The following CEP128 variants were observed in gnomAD, a reference collection of about 807,000 sequenced individuals.
CEP128 encodes the protein centrosomal protein 128kDa.
In CEP128, 132 loss-of-function variants were observed where a neutral mutation model predicts 156.7. That is an observed-to-expected ratio of 0.84 (90% CI 0.73 to 0.97). The LOEUF (loss-of-function observed/expected upper bound fraction) is 0.97. CEP128 is among the 50% of genes least tolerant of loss of function. CEP128 has a pLI of 0.00. For synonymous variants in CEP128, 469 were observed against 448.9 expected (o/e 1.04, Z -0.57); for missense variants, 1,252 against 1,281.9 (o/e 0.98, Z 0.36).
chr14:80,895,705 A>C lies in CEP128; in HGVS notation c.645+13T>G, dbSNP rs1332654908. On this transcript the variant is annotated intron_variant, in intron 8 of 24. Coordinates refer to ENST00000555265, the MANE Select transcript of CEP128 (RefSeq NM_152446.5). Reference sequence around the variant, plus strand: ...ATGTGAAATAAAACTTTTTATTAAAAAAGAGATCTCACCACTTCTTGTTTC... The same window carrying C: ...ATGTGAAATAAAACTTTTTATTAAACAAGAGATCTCACCACTTCTTGTTTC... The C allele has an allele frequency of 6.5e-6, 10 of 1,529,854 alleles. No homozygotes were observed. Among genetic ancestry groups the C allele is most frequent in the Non-Finnish European group, 8.8e-6 (10 of 1,135,080 alleles). 94.8% of individuals were successfully genotyped at this position (1,529,854 alleles called of 1,614,324 possible). A position where few individuals can be genotyped will look rare whatever the true frequency, so the allele number is the denominator to read the frequency against.
chr14:80,548,107 G>A (rs892696199), intron 21 of CEP128, among the ~76,000 whole-genome samples: 1 of 151,536 alleles, frequency 6.6e-6, no homozygotes, highest in African/African-American at 2.4e-5. Context: ...GCTGGGAGAG[G>A]AACTTTTAAA....
intron 24 of CEP128, among the ~76,000 whole-genome samples, chr14:80,500,449 C>G (rs1887682643): frequency 6.6e-6 from 1 of 152,198 alleles, no homozygotes; most frequent in Non-Finnish European, 1.5e-5. Flanking sequence ...ACTCCAAACC[C>G]CAGCTTTCAT....
At chr14:80,922,732 G>A (rs957761838) in intron 2 of CEP128, among the ~76,000 whole-genome samples, 1 of 152,022 alleles carries the variant, frequency 6.6e-6, no homozygotes, top group Admixed American at 6.6e-5. Context: ...AAAGAAAAAA[G>A]TTCAATTAGA....
intron 6 of CEP128, among the ~76,000 whole-genome samples, chr14:80,903,058 C>A (rs1276261538): frequency 1.3e-5 from 2 of 151,928 alleles, no homozygotes; most frequent in African/African-American, 4.8e-5. Context: ...CCAAAACAAT[C>A]CTGAGCTAAA....
At chr14:80,709,704 ACTT>A (rs1415271639) in intron 19 of CEP128, among the ~76,000 whole-genome samples, 2 of 152,088 alleles carry the variant, frequency 1.3e-5, no homozygotes, top group African/African-American at 4.8e-5. Context: ...CTTCCAGTAT[ACTT>A]CTATATCTTT....
chr14:80,568,852 T>G (rs988431484), intron 20 of CEP128, among the ~76,000 whole-genome samples: 17 of 152,192 alleles, frequency 1.1e-4, no homozygotes, highest in Non-Finnish European at 1.9e-4. Flanking sequence ...CTGGGAAGCA[T>G]ACATGAAGGC....
At chr14:80,899,826 C>G (rs898359337) in intron 7 of CEP128, 112 bp downstream of exon 7, 1 of 680,098 alleles carries the variant, frequency 1.5e-6, no homozygotes, top group African/African-American at 1.8e-5. Flanking sequence ...TTTTAAGGTA[C>G]TGTATACAAA....
At chr14:80,671,804 T>G (rs1337776803) in intron 19 of CEP128, among the ~76,000 whole-genome samples, 1 of 150,366 alleles carries the variant, frequency 6.7e-6, no homozygotes, top group Non-Finnish European at 1.5e-5. Flanking sequence ...CACAATTCAC[T>G]GATCTCCTTA....
At chr14:80,572,615 A>G (rs1429957141) in intron 20 of CEP128, among the ~76,000 whole-genome samples, 5 of 152,206 alleles carry the variant, frequency 3.3e-5, no homozygotes, top group Admixed American at 6.5e-5. Flanking sequence ...GCCCCAAATT[A>G]CAGGGTGCCC....
At chr14:80,533,194 T>C (rs1889310128) in intron 21 of CEP128, among the ~76,000 whole-genome samples, 1 of 152,170 alleles carries the variant, frequency 6.6e-6, no homozygotes, top group Non-Finnish European at 1.5e-5. Context: ...ATAGGTTTTC[T>C]TAGGAATTTA....
intron 18 of CEP128, among the ~76,000 whole-genome samples, chr14:80,755,801 C>A (rs1486606686): frequency 2.0e-5 from 3 of 152,126 alleles, no homozygotes. Flanking sequence ...AGATTCAATT[C>A]CCCCTTAGTC....
At chr14:80,857,436 C>G (rs1887243505) in intron 9 of CEP128, among the ~76,000 whole-genome samples, 1 of 151,890 alleles carries the variant, frequency 6.6e-6, no homozygotes, top group South Asian at 2.1e-4. Flanking sequence ...ATAGGCTTAA[C>G]AACACTTGAA....
chr14:80,906,142 T>C (rs1566707327), intron 4 of CEP128, 61 bp from the exon 5 acceptor site: 5 of 1,258,050 alleles, frequency 4.0e-6, no homozygotes, highest in South Asian at 2.0e-5. Flanking sequence ...CAAATACAAA[T>C]AGACCACAGA....
chr14:80,725,168 A>G (rs1391718460), intron 19 of CEP128, among the ~76,000 whole-genome samples: 1 of 148,560 alleles, frequency 6.7e-6, no homozygotes, highest in Non-Finnish European at 1.5e-5. Flanking sequence ...ACTCTTTGTC[A>G]TTCTTGTTTT....
chr14:80,786,398 T>A (rs1399879852), intron 14 of CEP128, among the ~76,000 whole-genome samples: 2 of 152,196 alleles, frequency 1.3e-5, no homozygotes, highest in African/African-American at 4.8e-5. Flanking sequence ...TTACAAATAA[T>A]GAGTTAAAAT....
At position 80,840,703 on chromosome 14, in the gene CEP128, T is replaced by C; in HGVS notation, c.828A>G (p.Gln276=). 6.2e-7 allele frequency: 1 copy of C among 1,607,634 alleles called. No individual in the cohort carries two copies. Among genetic ancestry groups the C allele is most frequent in the Non-Finnish European group, 8.5e-7 (1 of 1,174,930 alleles). The change falls in exon 10 of 25, where the codon CAA becomes CAG. Residue 276 remains glutamine, a synonymous_variant. Coordinates refer to ENST00000555265, the MANE Select transcript of CEP128 (RefSeq NM_152446.5). The part of the protein sequence containing the change: ...HEGAIKNKLR[Q]TETEKNQLEQ... ...TTACTTGATTCTTCTCAGTTTCAGT[T>C]TGTCTTAGCTTATTTTTTATTGCCC...
chr14:80,538,524 C>A (rs541288331), intron 21 of CEP128, among the ~76,000 whole-genome samples: 1 of 152,198 alleles, frequency 6.6e-6, no homozygotes, highest in East Asian at 1.9e-4. Context: ...CGTATACCCA[C>A]CACCTAGATT....
intron 13 of CEP128, among the ~76,000 whole-genome samples, chr14:80,821,860 A>C (rs1243522659): frequency 6.6e-6 from 1 of 152,124 alleles, no homozygotes; most frequent in African/African-American, 2.4e-5. Flanking sequence ...AATTTACAAA[A>C]GAAAGAGGTT....
In CEP128 at chr14:80,761,763, A is replaced by T. The variant is rs1899983677; in HGVS notation, c.2377-150T>A. 3 of 502,612 alleles carry T rather than the reference A, an allele frequency of 6.0e-6. No individual in the cohort carries two copies. In the South Asian group the frequency reaches 1.7e-4, roughly 28 times the overall value. The allele number at this position is 502,612 out of a possible 1,614,324, so 31.1% of individuals were successfully genotyped here. ...ACTTTACCAAAATAAAAACACTTTA[A>T]TCTACTCATTAACTGAGGTAAAATT... On this transcript the variant is annotated intron_variant, in intron 16 of 24. Transcript: ENST00000555265.
Sources: allele counts gnomAD v4.1 joint callset (sites outside exome capture counted in the v4.1 genomes callset), GRCh38; gene constraint gnomAD v4.1.1; transcripts MANE v1.5; gene names NCBI Gene and HGNC (gene_info 2026-07-23, HGNC 2026-07-21).